Variants in KALRN observed in about 807,000 individuals in gnomAD.
KALRN encodes the protein kalirin RhoGEF kinase.
A neutral mutation model predicts 353.7 loss-of-function variants in KALRN; 70 were observed. The ratio of observed to expected loss-of-function variants is 0.20; its 90% confidence interval spans 0.16 to 0.24. The LOEUF (loss-of-function observed/expected upper bound fraction) is 0.24, where lower values mean the gene tolerates loss of function less well. KALRN is among the 10% of genes least tolerant of loss of function. The probability of loss-of-function intolerance (pLI) is 1.00; values close to 1 mark genes in which losing one functional copy is unlikely to be tolerated. For missense variants in KALRN, 2,791 were observed against 3,756.7 expected (o/e 0.74, Z 6.72); for synonymous variants, 1,391 against 1,434.8 (o/e 0.97, Z 0.69).
intron 4 of KALRN, among the ~76,000 whole-genome samples, chr3:124,265,248 C>T (rs1363716229): frequency 6.8e-6 from 1 of 146,922 alleles, no homozygotes; most frequent in Non-Finnish European, 1.5e-5. Flanking sequence ...GAACTTATTC[C>T]TTCTATTTGA....
At chr3:124,114,361 G>T (rs971697479) in intron 1 of KALRN, among the ~76,000 whole-genome samples, 4 of 152,182 alleles carry the variant, frequency 2.6e-5, no homozygotes, top group African/African-American at 9.7e-5. Flanking sequence ...TCTGAGCCCT[G>T]AGGAGAGGAA....
intron 6 of KALRN, among the ~76,000 whole-genome samples, chr3:124,302,412 T>G (rs2077337818): frequency 6.6e-6 from 1 of 152,210 alleles, no homozygotes; most frequent in Admixed American, 6.5e-5. Flanking sequence ...ACCATCTGCA[T>G]TGACTTAATG....
chr3:124,716,214 A>G (rs1178515605), intron 58 of KALRN, among the ~76,000 whole-genome samples: 1 of 152,164 alleles, frequency 6.6e-6, no homozygotes, highest in Non-Finnish European at 1.5e-5. Flanking sequence ...AGTTGCCCAG[A>G]AGGCAAAGGA....
chr3:124,152,311 G>C, intron 1 of KALRN: 1 of 1,209,960 alleles, frequency 8.3e-7, no homozygotes, highest in South Asian at 1.2e-5. Flanking sequence ...ATTAATTGAA[G>C]TCTTGTTAAG....
chr3:124,123,665 T>C lies in KALRN; in HGVS notation c.73+89852T>C, dbSNP rs75039945. The stretch of plus-strand genomic sequence containing the variant: ...TCAATGTAGATGAAATAGCCTTCTA[T>C]TGGAAGAAGCTAGAGAAGAGAAGTC... On this transcript the variant is annotated intron_variant, in intron 1 of 59. Transcript: ENST00000682506. Among the ~76,000 whole-genome samples, 457 of 152,348 alleles carry C rather than the reference T, an allele frequency of 3.0e-3. 1 individual carries two copies. The highest frequency in any genetic ancestry group is 0.01 in the African/African-American group (431 of 41,582).
chr3:124,533,686 A>G (rs928744250), intron 33 of KALRN, among the ~76,000 whole-genome samples: 12 of 152,126 alleles, frequency 7.9e-5, no homozygotes, highest in African/African-American at 2.4e-4. Flanking sequence ...TGTTGAGCAT[A>G]TGTCATGTAA....
rs760758612 is a variant in KALRN at position 124,474,745 on chromosome 3, A to G, written c.4101+13A>G. 1.1e-5 allele frequency: 17 copies of G among 1,608,930 alleles called. No homozygotes were observed. Among genetic ancestry groups the G allele is most frequent in the Non-Finnish European group, 1.4e-5 (16 of 1,175,286 alleles). On this transcript the variant is annotated intron_variant, in intron 26 of 59. Coordinates refer to ENST00000682506, the MANE Select transcript of KALRN (RefSeq NM_001388419.1). ...CTTTGTTACCTGGGTAACCAACCTG[A>G]AATCCTTCTCCCACTGCCCATACAC...
In KALRN at chr3:124,723,209, A is replaced by T. The variant is rs1399714319; in HGVS notation, c.*3739A>T. 1 of 152,342 alleles carries T rather than the reference A, an allele frequency of 6.6e-6. No individual in the cohort carries two copies. 9.4% of individuals were successfully genotyped at this position (152,342 alleles called of 1,614,324 possible). A position where few individuals can be genotyped will look rare whatever the true frequency, so the allele number is the denominator to read the frequency against. On this transcript the variant is annotated 3_prime_UTR_variant, in exon 60 of 60. Transcript: ENST00000682506. ...TCAGAGGGGAGGATGGGAGATAAAG[A>T]AGTTCATTGCATTTAGATGTACTGA...
chr3:124,520,569 C>T (rs1011140725), intron 33 of KALRN, among the ~76,000 whole-genome samples: 4 of 152,106 alleles, frequency 2.6e-5, no homozygotes, highest in African/African-American at 7.2e-5. Context: ...CCCACCTGCT[C>T]GCCCCTCCCA....
At chr3:124,305,136 A>G (rs2077580487) in intron 6 of KALRN, among the ~76,000 whole-genome samples, 1 of 152,228 alleles carries the variant, frequency 6.6e-6, no homozygotes, top group Non-Finnish European at 1.5e-5. Flanking sequence ...TGCAGCTCAG[A>G]GATTTTGCTT....
intron 33 of KALRN, among the ~76,000 whole-genome samples, chr3:124,526,965 A>T (rs1164877266): frequency 6.6e-6 from 1 of 152,224 alleles, no homozygotes; most frequent in African/African-American, 2.4e-5. Context: ...GAAAAAGAAA[A>T]CAACAACAAC....
intron 37 of KALRN, among the ~76,000 whole-genome samples, chr3:124,638,058 C>T (rs1180024298): frequency 6.6e-6 from 1 of 152,194 alleles, no homozygotes; most frequent in Admixed American, 6.5e-5. Flanking sequence ...CAATTGGAAG[C>T]ATTTTCCTTT....
intron 1 of KALRN, among the ~76,000 whole-genome samples, chr3:124,071,897 G>C (rs1300706440): frequency 1.3e-5 from 2 of 152,220 alleles, no homozygotes; most frequent in African/African-American, 4.8e-5. Context: ...ATAGGAAGGT[G>C]AGAATTTCCC....
chr3:124,456,568 C>G (rs200851767), intron 22 of KALRN, 42 bp from the exon 23 acceptor site: 2 of 1,444,326 alleles, frequency 1.4e-6, no homozygotes, highest in Admixed American at 1.7e-5. Context: ...GTTGCTTTCC[C>G]AAAGCATCAC....
At chr3:124,383,385 A>G (rs1351908738) in intron 10 of KALRN, among the ~76,000 whole-genome samples, 9 of 152,216 alleles carry the variant, frequency 5.9e-5, no homozygotes, top group Non-Finnish European at 1.3e-4. Flanking sequence ...GAAGCTAGAC[A>G]TTTGAGATCA....
chr3:124,271,797 G>A lies in KALRN; in HGVS notation c.969+2542G>A, dbSNP rs530923132. Reference sequence around the variant, plus strand: ...ACATTTTAATGCTCATTCCACAGCAGGGGCTCTTTCTGTGCCATGGACTCT... The same window carrying A: ...ACATTTTAATGCTCATTCCACAGCAAGGGCTCTTTCTGTGCCATGGACTCT... On this transcript the variant is annotated intron_variant, in intron 5 of 59. Transcript: ENST00000682506. Among the ~76,000 whole-genome samples, 35 of 152,346 alleles carry A rather than the reference G, an allele frequency of 2.3e-4. No homozygotes were observed. In the South Asian group the frequency reaches 5.4e-3, roughly 23 times the overall value.
chr3:124,114,567 T>A (rs2063291726), intron 1 of KALRN, among the ~76,000 whole-genome samples: 1 of 152,206 alleles, frequency 6.6e-6, no homozygotes, highest in African/African-American at 2.4e-5. Context: ...TTGAGAACCC[T>A]GGAGCAAGCA....
At chr3:124,449,718 C>G (rs1417353139) in intron 21 of KALRN, among the ~76,000 whole-genome samples, 1 of 152,236 alleles carries the variant, frequency 6.6e-6, no homozygotes, top group Non-Finnish European at 1.5e-5. Context: ...CTCTCCTCAA[C>G]CCCTGGCAAC....
At chr3:124,681,404 A>T (rs952023886) in intron 51 of KALRN, among the ~76,000 whole-genome samples, 2 of 152,212 alleles carry the variant, frequency 1.3e-5, no homozygotes, top group African/African-American at 2.4e-5. Context: ...ATGAGCAAAG[A>T]CATTAGAATA....
Sources: allele counts gnomAD v4.1 joint callset (sites outside exome capture counted in the v4.1 genomes callset), GRCh38; gene constraint gnomAD v4.1.1; transcripts MANE v1.5; gene names NCBI Gene and HGNC (gene_info 2026-07-23, HGNC 2026-07-21).